KAT6B: variants seen among roughly 807,000 people sequenced by gnomAD.
The protein encoded by KAT6B is histone acetyltransferase KAT6B.
KAT6B carries 10 observed loss-of-function variants against 187.5 expected under a neutral mutation model. The observed-to-expected ratio is 0.05, with a 90% CI of 0.03 to 0.09. The LOEUF is 0.09. Among genes scored for constraint, KAT6B ranks in the 10% least tolerant of loss-of-function variants. The pLI, the probability that KAT6B is intolerant of heterozygous loss-of-function variation, is 1.00. For missense variants in KAT6B, 1,952 were observed against 2,558.9 expected (o/e 0.76, Z 5.12); for synonymous variants, 861 against 926.8 (o/e 0.93, Z 1.29).
intron 3 of KAT6B, among the ~76,000 whole-genome samples, chr10:74,953,117 A>G (rs978833534): frequency 3.3e-5 from 5 of 150,956 alleles, no homozygotes; most frequent in Non-Finnish European, 7.4e-5. Flanking sequence ...CTTTTATTAA[A>G]TAGTTGCAGG....
At chr10:74,987,852 G>A (rs886127389) in intron 12 of KAT6B, among the ~76,000 whole-genome samples, 3 of 152,192 alleles carry the variant, frequency 2.0e-5, no homozygotes, top group Admixed American at 2.0e-4. Context: ...TAGAGAGAGT[G>A]ACCCATTTGT....
chr10:74,944,514 A>G (rs1184108735), intron 3 of KAT6B, among the ~76,000 whole-genome samples: 1 of 152,216 alleles, frequency 6.6e-6, no homozygotes, highest in Non-Finnish European at 1.5e-5. Context: ...TTAGTCATCA[A>G]GGATATGCAA....
At chr10:75,024,874 C>A (rs765187123) in intron 16 of KAT6B, 84 bp from the exon 17 acceptor site, 2 of 1,249,844 alleles carry the variant, frequency 1.6e-6, no homozygotes, top group Non-Finnish European at 2.3e-6. Flanking sequence ...CTCAGACACG[C>A]GTTCAGTACA....
intron 1 of KAT6B, among the ~76,000 whole-genome samples, chr10:74,835,517 C>G (rs1367558099): frequency 6.6e-6 from 1 of 152,156 alleles, no homozygotes; most frequent in Non-Finnish European, 1.5e-5. Flanking sequence ...GAAGGTAATA[C>G]CCGAAGTAAC....
intron 3 of KAT6B, among the ~76,000 whole-genome samples, chr10:74,863,436 A>T (rs571992564): frequency 6.6e-6 from 1 of 152,196 alleles, no homozygotes; most frequent in African/African-American, 2.4e-5. Flanking sequence ...AAATTTGTGC[A>T]TGTGTGGATA....
intron 5 of KAT6B, 53 bp downstream of exon 5, chr10:74,969,828 T>TC: frequency 7.6e-7 from 1 of 1,323,656 alleles, no homozygotes; most frequent in Non-Finnish European, 1.1e-6. Context: ...TTTCCAGTGT[T>TC]AAGGTGTTTT....
intron 3 of KAT6B, among the ~76,000 whole-genome samples, chr10:74,897,312 T>TC (rs1285921327): frequency 6.6e-6 from 1 of 152,040 alleles, no homozygotes; most frequent in Admixed American, 6.6e-5. Context: ...CCTCTTCCTC[T>TC]CCCCCGCTCC....
At chr10:74,931,105 T>C (rs1250473580) in intron 3 of KAT6B, among the ~76,000 whole-genome samples, 1 of 152,098 alleles carries the variant, frequency 6.6e-6, no homozygotes, top group East Asian at 1.9e-4. Context: ...CCCTAGACAA[T>C]AGCTTATTTG....
intron 9 of KAT6B, 115 bp downstream of exon 9, chr10:74,977,552 T>C (rs976567577): frequency 5.3e-6 from 7 of 1,318,400 alleles, no homozygotes; most frequent in Admixed American, 3.4e-5. Flanking sequence ...TTTGTGATTC[T>C]TTAGCCGTTA....
At position 75,032,245 on chromosome 10, in the gene KAT6B, A is replaced by C. The variant is rs1007091475; in HGVS notation, c.*1199A>C. 1.0e-5 allele frequency: 2 copies of C among 192,358 alleles called. No homozygotes were observed. The highest frequency in any genetic ancestry group is 2.3e-5 in the African/African-American group (1 of 43,012). The allele number at this position is 192,358 out of a possible 1,614,324, so 11.9% of individuals were successfully genotyped here. A position where few individuals can be genotyped will look rare whatever the true frequency, so the allele number is the denominator to read the frequency against. ...TTCAAAAAAACAAAAAACAAACAAA[A>C]AAAAGCTGTACATTTTAACATAAAA... On this transcript the variant is annotated 3_prime_UTR_variant, in exon 18 of 18. Coordinates refer to ENST00000287239, the MANE Select transcript of KAT6B (RefSeq NM_012330.4).
intron 3 of KAT6B, among the ~76,000 whole-genome samples, chr10:74,898,398 T>C (rs1395576162): frequency 6.6e-6 from 1 of 152,100 alleles, no homozygotes; most frequent in Non-Finnish European, 1.5e-5. Context: ...CTCATGATAC[T>C]GGTTTTGTTT....
chr10:74,843,404 G>C lies in KAT6B; in HGVS notation c.547G>C (p.Gly183Arg). 2 of 1,613,914 alleles carry C rather than the reference G, an allele frequency of 1.2e-6. No individual in the cohort carries two copies. The highest frequency in any genetic ancestry group is 1.7e-6 in the Non-Finnish European group (2 of 1,179,968). Residue 183 changes from glycine to arginine, a missense_variant, in exon 3 of 18, where the codon GGG becomes CGG. Gly to Arg is a moderately radical substitution (Grantham distance 125). Coordinates refer to ENST00000287239, the MANE Select transcript of KAT6B (RefSeq NM_012330.4). The stretch of plus-strand genomic sequence containing the variant: ...CAATTATGGGAGCTTAGATGGCAAA[G>C]GGGCACCTCAGTATCCCAGTGCATT... ...RVNYGSLDGKGAPQYPSAFPS... is the reference protein window; with the variant it reads ...RVNYGSLDGKRAPQYPSAFPS...
At chr10:74,965,709 T>C (rs921885793) in intron 4 of KAT6B, among the ~76,000 whole-genome samples, 4 of 152,082 alleles carry the variant, frequency 2.6e-5, no homozygotes, top group Non-Finnish European at 5.9e-5. Flanking sequence ...CTCTGGAGAC[T>C]TTAAGTGAGG....
chr10:74,849,350 C>G (rs1284689703), intron 3 of KAT6B, among the ~76,000 whole-genome samples: 1 of 151,306 alleles, frequency 6.6e-6, no homozygotes, highest in Non-Finnish European at 1.5e-5. Context: ...CTGGAGTACG[C>G]TGGTGCCATC....
intron 3 of KAT6B, among the ~76,000 whole-genome samples, chr10:74,871,872 T>C (rs994503603): frequency 2.6e-5 from 4 of 152,172 alleles, no homozygotes; most frequent in African/African-American, 9.7e-5. Context: ...GGCTCCCATG[T>C]GTGGTGTCCT....
chr10:74,834,260 C>T (rs755993385), intron 1 of KAT6B, among the ~76,000 whole-genome samples: 17 of 151,376 alleles, frequency 1.1e-4, no homozygotes, highest in South Asian at 2.1e-4. Context: ...TGCAGTGGCG[C>T]GATCTCGGCT....
chr10:74,997,737 A>G (rs1202751135), intron 13 of KAT6B, among the ~76,000 whole-genome samples: 1 of 152,192 alleles, frequency 6.6e-6, no homozygotes, highest in Non-Finnish European at 1.5e-5. Context: ...AAGAAAGTGT[A>G]TATTGGTAGG....
At position 74,839,087 on chromosome 10, in the gene KAT6B, A is replaced by G. The variant is rs577918061; in HGVS notation, c.-259+335A>G. Among the ~76,000 whole-genome samples, 10 of 151,466 alleles carry G rather than the reference A, an allele frequency of 6.6e-5. No individual in the cohort carries two copies. In the East Asian group the frequency reaches 2.0e-3, roughly 30 times the overall value. ...AGAATTGCTTGAATCTGGGCGGTGG[A>G]GATTGCAGTGAGCCGAGATCATGCC... On this transcript the variant is annotated intron_variant, in intron 2 of 17. Transcript: ENST00000287239.
chr10:74,908,978 T>C (rs918685452), intron 3 of KAT6B, among the ~76,000 whole-genome samples: 1 of 152,118 alleles, frequency 6.6e-6, no homozygotes, highest in Non-Finnish European at 1.5e-5. Flanking sequence ...TTAATTAGAG[T>C]ATCCACAAGT....
Sources: allele counts gnomAD v4.1 joint callset (sites outside exome capture counted in the v4.1 genomes callset), GRCh38; gene constraint gnomAD v4.1.1; transcripts MANE v1.5; gene names NCBI Gene and HGNC (gene_info 2026-07-23, HGNC 2026-07-21).